The following L3MBTL4 variants were observed in gnomAD, a reference collection of about 807,000 sequenced individuals.
L3MBTL4 encodes the protein lethal(3)malignant brain tumor-like protein 4.
A neutral mutation model predicts 84.5 loss-of-function variants in L3MBTL4; 70 were observed. The observed-to-expected ratio is 0.83, with a 90% CI of 0.68 to 1.01. L3MBTL4 has a LOEUF of 1.01. L3MBTL4 is among the 50% of genes least tolerant of loss of function. L3MBTL4 has a pLI of 0.00. For synonymous variants in L3MBTL4, 274 were observed against 259.8 expected (o/e 1.05, Z -0.52); for missense variants, 715 against 754.8 (o/e 0.95, Z 0.62).
chr18:6,084,774 G>A (rs1014919902), intron 15 of L3MBTL4, among the ~76,000 whole-genome samples: 18 of 152,176 alleles, frequency 1.2e-4, no homozygotes, highest in African/African-American at 4.3e-4. Flanking sequence ...ACAACAGGAG[G>A]ACATTTTCTG....
intron 1 of L3MBTL4, among the ~76,000 whole-genome samples, chr18:6,369,965 C>G (rs1276787580): frequency 6.6e-6 from 1 of 152,016 alleles, no homozygotes; most frequent in South Asian, 2.1e-4. Context: ...GAATCCCTGT[C>G]TCTACTGAAA....
chr18:6,278,728 C>T (rs748765596), intron 4 of L3MBTL4, among the ~76,000 whole-genome samples: 1 of 152,130 alleles, frequency 6.6e-6, no homozygotes, highest in Non-Finnish European at 1.5e-5. Flanking sequence ...ATGTCTTCTA[C>T]TGGTCTATTC....
At chr18:5,964,723 C>G (rs1289000659) in intron 17 of L3MBTL4, among the ~76,000 whole-genome samples, 2 of 152,074 alleles carry the variant, frequency 1.3e-5, no homozygotes, top group Non-Finnish European at 2.9e-5. Flanking sequence ...AATAAAAGTA[C>G]CCATACGTGC....
intron 16 of L3MBTL4, among the ~76,000 whole-genome samples, chr18:6,070,930 G>A (rs1335960311): frequency 1.3e-5 from 2 of 152,070 alleles, no homozygotes; most frequent in African/African-American, 2.4e-5. Flanking sequence ...AGATAAAGAT[G>A]CATTTTGTAG....
At chr18:6,329,620 TGGTGAGGGCCTTCTTGC>T (rs2051919628) in intron 1 of L3MBTL4, among the ~76,000 whole-genome samples, 1 of 152,322 alleles carries the variant, frequency 6.6e-6, no homozygotes, top group African/African-American at 2.4e-5. Flanking sequence ...GGGGCACATC[TGGTGAGGGCCTTCTTGC>T]GGTGGGAACT....
At chr18:6,235,006 T>C (rs2047157025) in intron 10 of L3MBTL4, among the ~76,000 whole-genome samples, 1 of 152,174 alleles carries the variant, frequency 6.6e-6, no homozygotes, top group Admixed American at 6.5e-5. Flanking sequence ...GATGAGATCA[T>C]GTCATTTTTT....
chr18:6,172,903 T>C (rs1163213805), intron 12 of L3MBTL4, among the ~76,000 whole-genome samples: 1 of 152,202 alleles, frequency 6.6e-6, no homozygotes, highest in Admixed American at 6.5e-5. Context: ...AGCAAAATTC[T>C]ATATATTCAG....
chr18:6,300,550 A>C (rs2050293966), intron 4 of L3MBTL4, among the ~76,000 whole-genome samples: 1 of 152,236 alleles, frequency 6.6e-6, no homozygotes, highest in Non-Finnish European at 1.5e-5. Context: ...CCAAAAAGCT[A>C]TTTGAGATAA....
At chr18:6,344,958 G>A (rs901131764) in intron 1 of L3MBTL4, among the ~76,000 whole-genome samples, 6 of 152,036 alleles carry the variant, frequency 3.9e-5, no homozygotes, top group South Asian at 2.1e-4. Context: ...GCCCACTCTC[G>A]ACATGGTACT....
chr18:6,043,511 C>A (rs1337767135), intron 16 of L3MBTL4, among the ~76,000 whole-genome samples: 2 of 152,306 alleles, frequency 1.3e-5, no homozygotes, highest in South Asian at 2.1e-4. Context: ...CTTCCTCCAG[C>A]AATTTCATCT....
chr18:6,351,686 G>C (rs1568539204), intron 1 of L3MBTL4, among the ~76,000 whole-genome samples: 1 of 151,968 alleles, frequency 6.6e-6, no homozygotes, highest in Non-Finnish European at 1.5e-5. Flanking sequence ...CGAGTAGCTG[G>C]GACCACAGGC....
At chr18:6,371,208 T>C (rs888992903) in intron 1 of L3MBTL4, among the ~76,000 whole-genome samples, 17 of 152,332 alleles carry the variant, frequency 1.1e-4, no homozygotes, top group African/African-American at 4.1e-4. Flanking sequence ...CTGACAAAAC[T>C]GGCGGCGGGC....
At chr18:6,298,857 A>C (rs146083786) in intron 4 of L3MBTL4, among the ~76,000 whole-genome samples, 2 of 152,256 alleles carry the variant, frequency 1.3e-5, no homozygotes, top group African/African-American at 4.8e-5. Flanking sequence ...CTCAGCAACA[A>C]GAGGGAAATT....
intron 1 of L3MBTL4, among the ~76,000 whole-genome samples, chr18:6,323,636 G>A (rs988606332): frequency 6.6e-6 from 1 of 152,218 alleles, no homozygotes; most frequent in African/African-American, 2.4e-5. Flanking sequence ...GCCTTCAAGA[G>A]GTGGCCTGGC....
intron 1 of L3MBTL4, among the ~76,000 whole-genome samples, chr18:6,348,018 A>T (rs2053000765): frequency 6.6e-6 from 1 of 152,082 alleles, no homozygotes; most frequent in Non-Finnish European, 1.5e-5. Context: ...GCAACAAAAA[A>T]TAAAATTTGA....
At chr18:6,221,486 C>G (rs1265716528) in intron 10 of L3MBTL4, among the ~76,000 whole-genome samples, 1 of 149,622 alleles carries the variant, frequency 6.7e-6, no homozygotes, top group Non-Finnish European at 1.5e-5. Flanking sequence ...TCATCAAACT[C>G]AATTCTACTG....
rs554859711 is a variant in L3MBTL4, at chr18:6,149,321, A to G, written c.1097-11025T>C. On this transcript the variant is annotated intron_variant, in intron 13 of 18. Transcript: ENST00000317931. ...GTGTTTGGTTTTTTGTCCTTGCGATAGTTTGCTGAGAATGATGGTTTCCAG... is the reference window on the plus strand; with the variant it reads ...GTGTTTGGTTTTTTGTCCTTGCGATGGTTTGCTGAGAATGATGGTTTCCAG... Among the ~76,000 whole-genome samples, 14 of 151,708 alleles carry G rather than the reference A, an allele frequency of 9.2e-5. No individual in the cohort carries two copies. In the East Asian group the frequency reaches 2.7e-3, roughly 29 times the overall value.
At chr18:6,063,157 G>A (rs2057287084) in intron 16 of L3MBTL4, among the ~76,000 whole-genome samples, 1 of 151,766 alleles carries the variant, frequency 6.6e-6, no homozygotes. Context: ...GCTACAAAAG[G>A]CATTATTTCA....
At chr18:6,186,532 C>T (rs1252490018) in intron 12 of L3MBTL4, among the ~76,000 whole-genome samples, 1 of 152,122 alleles carries the variant, frequency 6.6e-6, no homozygotes, top group East Asian at 1.9e-4. Flanking sequence ...AAATGAGAAG[C>T]CTCAGCTCTC....
Sources: gnomAD v4.1 joint callset for allele counts (sites outside exome capture counted in the v4.1 genomes callset) on GRCh38, gnomAD v4.1.1 for gene constraint, MANE v1.5 for transcripts, NCBI Gene and HGNC (gene_info 2026-07-23, HGNC 2026-07-21) for gene names.